Variants in PRH1 observed in about 807,000 individuals in gnomAD.
PRH1 encodes salivary acidic proline-rich phosphoprotein 1/2.
Under a neutral mutation model 7.9 loss-of-function variants are expected in PRH1, and 7 were observed. The observed-to-expected ratio is 0.89, with a 90% CI of 0.50 to 1.67. The LOEUF is 1.67. PRH1 is among the 40% of genes most tolerant of loss of function. The pLI, the probability that PRH1 is intolerant of heterozygous loss-of-function variation, is 0.00. For synonymous variants in PRH1, 45 were observed against 80.8 expected, an observed-to-expected ratio of 0.56 and a Z score of 2.38; for missense variants, 109 against 223.6, an observed-to-expected ratio of 0.49 and a Z score of 3.27.
chr12:11,166,781 A>C (rs751678082), intron 1 of PRH1, among the ~76,000 whole-genome samples: 14 of 152,228 alleles, frequency 9.2e-5, no homozygotes, highest in Non-Finnish European at 1.9e-4. Context: ...AGTTCTACAG[A>C]TCAGAAGTCT....
chr12:11,139,714 A>G (rs1483488984), intron 1 of PRH1, among the ~76,000 whole-genome samples: 3 of 152,134 alleles, frequency 2.0e-5, no homozygotes, highest in Non-Finnish European at 2.9e-5. Context: ...GTACTTCTCA[A>G]CTTTAGCTAC....
At chr12:10,951,246 T>C (rs1257043174) in intron 2 of PRH1, among the ~76,000 whole-genome samples, 1 of 152,154 alleles carries the variant, frequency 6.6e-6, no homozygotes, top group Admixed American at 6.5e-5. Flanking sequence ...TTTTGCAATA[T>C]TTTCCTCGTG....
intron 1 of PRH1, among the ~76,000 whole-genome samples, chr12:11,113,783 C>T (rs572462864): frequency 1.3e-5 from 2 of 152,124 alleles, no homozygotes; most frequent in Admixed American, 1.3e-4. Flanking sequence ...AGGCAACCTA[C>T]AGAATGGGAG....
intron 2 of PRH1, among the ~76,000 whole-genome samples, chr12:10,961,826 G>A (rs1243683662): frequency 6.6e-6 from 1 of 152,182 alleles, no homozygotes; most frequent in African/African-American, 2.4e-5. Context: ...ATGGACTAAT[G>A]CTGGCTGTGG....
upstream of PRH1, among the ~76,000 whole-genome samples, chr12:10,888,414 G>C (rs1049663448): frequency 6.6e-6 from 1 of 152,182 alleles, no homozygotes; most frequent in Non-Finnish European, 1.5e-5. Context: ...GAGAGTTGGA[G>C]AGACTCACCC....
At chr12:11,057,259 A>C (rs889107115) in intron 1 of PRH1, among the ~76,000 whole-genome samples, 2 of 152,172 alleles carry the variant, frequency 1.3e-5, no homozygotes, top group African/African-American at 2.4e-5. Flanking sequence ...TGGCCTCCCA[A>C]ACTACTAAGA....
At chr12:11,027,030 C>T (rs553983292) in intron 1 of PRH1, among the ~76,000 whole-genome samples, 137 of 152,312 alleles carry the variant, frequency 9.0e-4, no homozygotes, top group African/African-American at 3.1e-3. Flanking sequence ...TTTAGGAGGC[C>T]GACACGGGAA....
intron 1 of PRH1, among the ~76,000 whole-genome samples, chr12:10,981,401 A>G: frequency 8.5e-6 from 1 of 117,830 alleles, no homozygotes. Flanking sequence ...TGAGGTGGAG[A>G]CTCGCTCTGT....
intron 1 of PRH1, among the ~76,000 whole-genome samples, chr12:11,167,001 A>G (rs1184823322): frequency 6.6e-6 from 1 of 152,228 alleles, no homozygotes; most frequent in African/African-American, 2.4e-5. Flanking sequence ...GGCTCATATG[A>G]TTAGACTGAA....
chr12:10,951,933 G>A (rs1937691809), intron 2 of PRH1, among the ~76,000 whole-genome samples: 3 of 152,156 alleles, frequency 2.0e-5, no homozygotes, highest in Admixed American at 1.3e-4. Flanking sequence ...GGATCTTGGA[G>A]TCAGACTGCC....
At chr12:10,911,589 C>T (rs943221730) in intron 2 of PRH1, among the ~76,000 whole-genome samples, 4 of 152,096 alleles carry the variant, frequency 2.6e-5, no homozygotes, top group Admixed American at 6.6e-5. Context: ...AGTTTGCCAA[C>T]GTTGTGTTAG....
rs188811102 is a variant in PRH1 at position 10,898,484 on chromosome 12, T to G, written c.-58-14209A>C. 6.1e-4 allele frequency among the ~76,000 whole-genome samples: 93 copies of G among 152,334 alleles called. 1 individual carries two copies. The East Asian group carries it at 0.016, about 27-fold the overall frequency. On this transcript the variant is annotated intron_variant, in intron 2 of 3. Coordinates refer to the PRH1 transcript ENST00000539853. ...ATATGCTGAAAAAGGGTTATTTTAT[T>G]TGTCTTATTGAATATCTTCTTTGTT...
At chr12:11,039,642 C>G (rs2246971) in intron 1 of PRH1, among the ~76,000 whole-genome samples, 64 of 152,118 alleles carry the variant, frequency 4.2e-4, no homozygotes, top group African/African-American at 1.3e-3. Flanking sequence ...AGGATCATCA[C>G]CAAAGTAGAT....
chr12:11,068,966 G>A (rs1215760102), intron 1 of PRH1, among the ~76,000 whole-genome samples: 1 of 131,004 alleles, frequency 7.6e-6, no homozygotes, highest in South Asian at 2.2e-4. Flanking sequence ...GGAGTGCAGT[G>A]GTTTCGGATT....
intron 2 of PRH1, among the ~76,000 whole-genome samples, chr12:10,904,251 G>A (rs546505120): frequency 2.0e-5 from 3 of 151,868 alleles, no homozygotes; most frequent in South Asian, 4.2e-4. Flanking sequence ...AAAAGCCAGA[G>A]GAATCACATT....
At chr12:10,913,929 G>A (rs1237405624) in intron 2 of PRH1, among the ~76,000 whole-genome samples, 7 of 152,148 alleles carry the variant, frequency 4.6e-5, no homozygotes, top group African/African-American at 1.7e-4. Flanking sequence ...CTCCTACGTG[G>A]AGTCCCTGAG....
chr12:10,902,348 T>C (rs1381185087), intron 2 of PRH1, among the ~76,000 whole-genome samples: 4 of 151,972 alleles, frequency 2.6e-5, no homozygotes, highest in Non-Finnish European at 5.9e-5. Context: ...ATGAATACAG[T>C]CTTAGAGCAA....
downstream of PRH1, among the ~76,000 whole-genome samples, chr12:11,118,935 C>A (rs1945809246): frequency 7.6e-6 from 1 of 132,250 alleles, no homozygotes; most frequent in Non-Finnish European, 1.5e-5. Flanking sequence ...GCTGAAGTTG[C>A]AGTGAGCCGA....
chr12:10,974,240 G>A (rs922084690), intron 1 of PRH1, among the ~76,000 whole-genome samples: 2 of 152,158 alleles, frequency 1.3e-5, no homozygotes, highest in Admixed American at 1.3e-4. Flanking sequence ...TCCATATAGA[G>A]GCTAGCAGCC....
Sources: gnomAD v4.1 joint callset for allele counts (sites outside exome capture counted in the v4.1 genomes callset) on GRCh38, gnomAD v4.1.1 for gene constraint, MANE v1.5 for transcripts, NCBI Gene and HGNC (gene_info 2026-07-23, HGNC 2026-07-21) for gene names.